The following DIS3L2 variants were observed in gnomAD, a reference collection of about 807,000 sequenced individuals.
DIS3L2 encodes DIS3-like exonuclease 2.
A neutral mutation model predicts 97.5 loss-of-function variants in DIS3L2; 34 were observed. The ratio of observed to expected loss-of-function variants is 0.35; its 90% CI spans 0.27 to 0.46. The LOEUF (loss-of-function observed/expected upper bound fraction) is 0.46. DIS3L2 is among the 20% of genes least tolerant of loss of function. The pLI, the probability that DIS3L2 is intolerant of heterozygous loss-of-function variation, is 1.00. For synonymous variants in DIS3L2, 435 were observed against 445.2 expected, an observed-to-expected ratio of 0.98 and a Z score of 0.29; for missense variants, 1,038 against 1,146.0, an observed-to-expected ratio of 0.91 and a Z score of 1.36.
downstream of DIS3L2, among the ~76,000 whole-genome samples, chr2:232,338,816 C>T (rs1427173501): frequency 6.6e-6 from 1 of 152,288 alleles, no homozygotes; most frequent in Non-Finnish European, 1.5e-5. Flanking sequence ...GCTAAAAGGA[C>T]TCAACAGAAA....
chr2:232,157,730 A>G (rs1690534827), intron 8 of DIS3L2, among the ~76,000 whole-genome samples: 1 of 152,186 alleles, frequency 6.6e-6, no homozygotes, highest in Non-Finnish European at 1.5e-5. Context: ...TCAGGTGCTC[A>G]GAGTTGGTTG....
At chr2:232,010,052 A>G (rs1694152425) in intron 1 of DIS3L2, among the ~76,000 whole-genome samples, 1 of 152,152 alleles carries the variant, frequency 6.6e-6, no homozygotes, top group Non-Finnish European at 1.5e-5. Flanking sequence ...CGAGTGTGGG[A>G]TGATAGGAGC....
At chr2:232,337,934 G>A (rs1003617444), downstream of DIS3L2, among the ~76,000 whole-genome samples, 5 of 150,606 alleles carry the variant, frequency 3.3e-5, no homozygotes, top group Non-Finnish European at 5.9e-5. Context: ...CACCTCAGGC[G>A]GCCTTCCGTC....
At chr2:232,051,627 A>G (rs1420770680) in intron 5 of DIS3L2, among the ~76,000 whole-genome samples, 2 of 151,344 alleles carry the variant, frequency 1.3e-5, no homozygotes, top group Admixed American at 1.3e-4. Context: ...CCCGGCTAAA[A>G]CGGTGAAACA....
chr2:232,284,963 A>G lies in DIS3L2; in HGVS notation c.1660-15077A>G, dbSNP rs575612908. Among the ~76,000 whole-genome samples the G allele has an allele frequency of 2.0e-5, 3 of 152,326 alleles. No individual in the cohort carries two copies. In the South Asian group the frequency reaches 6.2e-4, roughly 32 times the overall value. ...AGGAGAGCCCGAAGGAGACTTAGAC[A>G]GGAGCCTTTTGAGGCTTTCATTTTA... is the stretch of plus-strand genomic sequence containing the variant. On this transcript the variant is annotated intron_variant, in intron 13 of 20. Coordinates refer to ENST00000325385, the MANE Select transcript of DIS3L2 (RefSeq NM_152383.5).
At chr2:231,993,479 G>A (rs1168145451) in intron 1 of DIS3L2, among the ~76,000 whole-genome samples, 1 of 152,146 alleles carries the variant, frequency 6.6e-6, no homozygotes, top group Admixed American at 6.5e-5. Context: ...CTCCCAAAGT[G>A]CTGGGATTAC....
chr2:232,062,507 G>GTATCAGTATGTA (rs1695740862), intron 5 of DIS3L2, among the ~76,000 whole-genome samples: 2 of 152,016 alleles, frequency 1.3e-5, no homozygotes, highest in African/African-American at 4.8e-5. Flanking sequence ...TGTTCAAACT[G>GTATCAGTATGTA]CCCCTGATCT....
chr2:231,981,689 A>T (rs1195435088), intron 1 of DIS3L2, among the ~76,000 whole-genome samples: 1 of 146,726 alleles, frequency 6.8e-6, no homozygotes, highest in African/African-American at 2.5e-5. Context: ...AAGTTAACAT[A>T]TGTTTATTTT....
Position 232,239,766 on chromosome 2 carries a change from A to G in DIS3L2, c.1317+1121A>G, listed in dbSNP as rs368164139. Among the ~76,000 whole-genome samples the G allele has an allele frequency of 1.7e-4, 26 of 152,368 alleles. 1 individual carries two copies. In the East Asian group the frequency reaches 2.9e-3, roughly 17 times the overall value. On this transcript the variant is annotated intron_variant, in intron 11 of 20. Transcript: ENST00000325385. ...GTGCCTACTTGATGTTCACAAAGGT[A>G]TTGGCACTTCTGGAGCAAAAGCTAT... is the stretch of plus-strand genomic sequence containing the variant.
chr2:232,133,930 G>A (rs1217106227), intron 7 of DIS3L2, among the ~76,000 whole-genome samples: 1 of 130,592 alleles, frequency 7.7e-6, no homozygotes, highest in Non-Finnish European at 1.5e-5. Flanking sequence ...GGAGGTTGTA[G>A]TGAGCTGAAA....
intron 5 of DIS3L2, among the ~76,000 whole-genome samples, chr2:232,074,195 A>G (rs932144583): frequency 6.6e-6 from 1 of 152,224 alleles, no homozygotes; most frequent in Admixed American, 6.5e-5. Context: ...TTTATCTTGT[A>G]TCTCTTACAG....
At position 232,269,995 on chromosome 2, in the gene DIS3L2, G is replaced by T. The variant is rs1693943548; in HGVS notation, c.1659+6555G>T. 1.3e-5 allele frequency among the ~76,000 whole-genome samples: 2 copies of T among 152,122 alleles called. No individual in the cohort carries two copies. Among genetic ancestry groups the T allele is most frequent in the African/African-American group, 4.8e-5 (2 of 41,410 alleles). On this transcript the variant is annotated intron_variant, in intron 13 of 20. Transcript: ENST00000325385. The surrounding 1 kb of genome is among the most constrained non-coding windows in gnomAD (Gnocchi z 4.5). ...AGATGATGGACCGACCCAAGAGAGG[G>T]AAGAAAATCGACAAGCCTGTAGCAA...
chr2:232,115,304 T>TAAA (rs1055875084), intron 6 of DIS3L2, among the ~76,000 whole-genome samples: 5 of 149,636 alleles, frequency 3.3e-5, no homozygotes, highest in African/African-American at 9.8e-5. Flanking sequence ...AAGATTTTTT[T>TAAA]AAAAAAAAAA....
intron 20 of DIS3L2, chr2:232,336,180 C>T: frequency 6.5e-7 from 1 of 1,533,132 alleles, no homozygotes; most frequent in Non-Finnish European, 8.8e-7. Context: ...GAGTTTACAC[C>T]CAAGAAATTG....
chr2:232,143,097 A>T (rs956258639), intron 8 of DIS3L2, among the ~76,000 whole-genome samples: 2 of 152,186 alleles, frequency 1.3e-5, no homozygotes, highest in African/African-American at 4.8e-5. Context: ...TGAGAACACT[A>T]ATCTTGACTA....
chr2:232,299,538 T>A (rs571180131), intron 13 of DIS3L2, among the ~76,000 whole-genome samples: 52 of 152,242 alleles, frequency 3.4e-4, no homozygotes, highest in Admixed American at 2.7e-3. Flanking sequence ...CCACTCCCCA[T>A]CCCTCCTCCT....
chr2:232,163,742 G>C (rs1369267646), intron 9 of DIS3L2, 110 bp downstream of exon 9: 1 of 1,283,298 alleles, frequency 7.8e-7, no homozygotes, highest in African/African-American at 1.5e-5. Flanking sequence ...GTTCAGTTCA[G>C]TTGGGAATAG....
At chr2:232,060,694 T>A (rs1695680127) in intron 5 of DIS3L2, among the ~76,000 whole-genome samples, 2 of 152,198 alleles carry the variant, frequency 1.3e-5, no homozygotes, top group South Asian at 4.1e-4. Context: ...ATATGAAGAA[T>A]ATCATTGGTA....
chr2:232,087,314 G>T (rs1162536246), intron 5 of DIS3L2, among the ~76,000 whole-genome samples, 173 bp from the exon 6 acceptor site: 1 of 152,128 alleles, frequency 6.6e-6, no homozygotes, highest in Non-Finnish European at 1.5e-5. Flanking sequence ...GATTGATTAT[G>T]TGCATTAGGT....
Sources: gnomAD v4.1 joint callset for allele counts (sites outside exome capture counted in the v4.1 genomes callset) on GRCh38, gnomAD v4.1.1 for gene constraint, Gnocchi (gnomAD v3.1) non-coding constraint, MANE v1.5 for transcripts, NCBI Gene and HGNC (gene_info 2026-07-23, HGNC 2026-07-21) for gene names.